TENM2: variants seen among roughly 807,000 people sequenced by gnomAD.
TENM2 encodes the protein teneurin transmembrane protein 2, also known as teneurin-2.
In TENM2, 52 loss-of-function variants were observed where a neutral mutation model predicts 245.2. The observed-to-expected ratio is 0.21, with a 90% CI of 0.17 to 0.27. The LOEUF (loss-of-function observed/expected upper bound fraction) is 0.27. Among genes scored for constraint, TENM2 ranks in the 10% least tolerant of loss-of-function variants. The pLI is 1.00. For missense variants in TENM2, 3,046 were observed against 3,666.8 expected (o/e 0.83, Z 4.37); for synonymous variants, 1,363 against 1,438.9 (o/e 0.95, Z 1.19).
intron 5 of TENM2, among the ~76,000 whole-genome samples, chr5:168,032,848 A>G (rs1184074654): frequency 2.6e-5 from 4 of 152,174 alleles, no homozygotes; most frequent in Non-Finnish European, 4.4e-5. Flanking sequence ...AGAAAGACCA[A>G]TGTTAGAGGT....
chr5:167,848,126 G>C (rs1427994579), intron 2 of TENM2, among the ~76,000 whole-genome samples: 1 of 152,170 alleles, frequency 6.6e-6, no homozygotes, highest in Non-Finnish European at 1.5e-5. Flanking sequence ...ACATCATTAG[G>C]AACATGTAGA....
At position 167,378,864 on chromosome 5, in the gene TENM2, CTT is replaced by C. The variant is rs35919553; in HGVS notation, c.502+3406_502+3407del. Reference sequence around the variant, plus strand: ...CTTCACCTTGGGACTTAAAAATTTCCTTTTTTTTTTTTTTTTCCTTCCAGCAG... The same window carrying C: ...CTTCACCTTGGGACTTAAAAATTTCCTTTTTTTTTTTTTTCCTTCCAGCAG... On this transcript the variant is annotated intron_variant, in intron 2 of 28. Transcript: ENST00000518659. Among the ~76,000 whole-genome samples, 605 of 136,128 alleles carry C rather than the reference CTT, an allele frequency of 4.4e-3. 5 individuals are homozygous for C. The highest frequency in any genetic ancestry group is 0.027 in the South Asian group (117 of 4,276). The allele number at this position is 136,128 out of a possible 152,430, so 89.3% of individuals were successfully genotyped here. A position where few individuals can be genotyped will look rare whatever the true frequency, so the allele number is the denominator to read the frequency against.
chr5:167,839,075 A>G (rs1259502263), intron 2 of TENM2, among the ~76,000 whole-genome samples: 2 of 152,244 alleles, frequency 1.3e-5, no homozygotes, highest in African/African-American at 2.4e-5. Flanking sequence ...ATGAGTGTTG[A>G]TAAGTATTGT....
At chr5:167,562,853 A>T (rs995276042) in intron 2 of TENM2, among the ~76,000 whole-genome samples, 1 of 150,654 alleles carries the variant, frequency 6.6e-6, no homozygotes, top group Non-Finnish European at 1.5e-5. Flanking sequence ...GCTGCTCGGG[A>T]GGCTGAGGCA....
the TENM2 span, among the ~76,000 whole-genome samples, chr5:166,999,376 T>G: frequency 6.6e-6 from 1 of 152,146 alleles, no homozygotes; most frequent in African/African-American, 2.4e-5. Flanking sequence ...AAAGTGTCTT[T>G]TAGGGGACAA....
the TENM2 span, among the ~76,000 whole-genome samples, chr5:167,082,580 C>T: frequency 6.6e-6 from 1 of 152,302 alleles, no homozygotes; most frequent in Non-Finnish European, 1.5e-5. Context: ...CCACCATACA[C>T]AGCCGAAGTG....
chr5:167,666,274 G>A (rs7718412), intron 2 of TENM2, among the ~76,000 whole-genome samples: 54,316 of 151,944 alleles, frequency 0.36, 13,317 homozygotes, highest in East Asian at 0.91. Context: ...AAGAAATGGT[G>A]GTGAGCATTT....
At chr5:168,193,428 G>A (rs4976583) in intron 14 of TENM2, among the ~76,000 whole-genome samples, 5,429 of 152,260 alleles carry the variant, frequency 0.036, 212 homozygotes, top group East Asian at 0.19. Flanking sequence ...TAGATAATGC[G>A]ATAATTGTTA....
the TENM2 span, among the ~76,000 whole-genome samples, chr5:167,188,735 C>T: frequency 7.9e-5 from 12 of 152,046 alleles, no homozygotes; most frequent in Non-Finnish European, 1.6e-4. Flanking sequence ...GTAACAAAAG[C>T]GCAGTTGATA....
At chr5:168,226,034 A>G in intron 23 of TENM2, 54 bp from the exon 26 acceptor site, 1 of 1,524,890 alleles carries the variant, frequency 6.6e-7, no homozygotes. Flanking sequence ...GAACACTGTC[A>G]GCCCCAATGA....
At chr5:168,124,762 C>A in intron 10 of TENM2, 88 bp from the exon 13 acceptor site, 1 of 1,274,064 alleles carries the variant, frequency 7.8e-7, no homozygotes, top group Non-Finnish European at 1.1e-6. Context: ...CCCACTGGTC[C>A]ATTCAGCAGC....
chr5:168,124,985 C>T (rs749976992), exon 11 of TENM2: 41 of 1,611,328 alleles, frequency 2.5e-5, no homozygotes, highest in Middle Eastern at 3.3e-4. Flanking sequence ...GGGCATGGCA[C>T]GTACCTGCCT....
chr5:167,255,896 A>C, the TENM2 span, among the ~76,000 whole-genome samples: 1 of 152,118 alleles, frequency 6.6e-6, no homozygotes, highest in African/African-American at 2.4e-5. Flanking sequence ...CCATTGAAAC[A>C]CATGCTACCA....
intron 4 of TENM2, among the ~76,000 whole-genome samples, chr5:167,957,263 G>C (rs1303565142): frequency 2.0e-5 from 3 of 152,180 alleles, no homozygotes; most frequent in Non-Finnish European, 4.4e-5. Context: ...TATTTGCATA[G>C]AGATGTTTAT....
chr5:168,068,467 C>T (rs926951820), intron 7 of TENM2, among the ~76,000 whole-genome samples: 8 of 152,066 alleles, frequency 5.3e-5, no homozygotes, highest in African/African-American at 1.9e-4. Flanking sequence ...GTTTTGTTAC[C>T]ATAGAGTTTA....
chr5:167,968,323 C>G (rs186808028), intron 4 of TENM2, among the ~76,000 whole-genome samples: 1 of 152,180 alleles, frequency 6.6e-6, no homozygotes, highest in Non-Finnish European at 1.5e-5. Flanking sequence ...TTTCAAATCC[C>G]TTATTGAATC....
At chr5:167,027,843 C>T in the TENM2 span, among the ~76,000 whole-genome samples, 2 of 151,938 alleles carry the variant, frequency 1.3e-5, no homozygotes, top group Non-Finnish European at 2.9e-5. Flanking sequence ...TTTTGGGAGG[C>T]CGAGGCAGGT....
intron 2 of TENM2, among the ~76,000 whole-genome samples, chr5:167,481,425 T>C (rs956506669): frequency 2.6e-5 from 4 of 152,230 alleles, no homozygotes; most frequent in African/African-American, 4.8e-5. Context: ...AAAATGTAAA[T>C]TTTAGTGTTC....
chr5:167,244,027 T>G, the TENM2 span, among the ~76,000 whole-genome samples: 1 of 152,190 alleles, frequency 6.6e-6, no homozygotes, highest in African/African-American at 2.4e-5. Context: ...TGGGAAATCC[T>G]TCTTCTTCCT....
Sources: allele counts gnomAD v4.1 joint callset (sites outside exome capture counted in the v4.1 genomes callset), GRCh38; gene constraint gnomAD v4.1.1; transcripts MANE v1.5; gene names NCBI Gene and HGNC (gene_info 2026-07-23, HGNC 2026-07-21).